KCNJ6: variants seen among roughly 807,000 people sequenced by gnomAD.
KCNJ6 encodes G protein-activated inward rectifier potassium channel 2.
A neutral mutation model predicts 34.2 loss-of-function variants in KCNJ6; 9 were observed. The ratio of observed to expected loss-of-function variants is 0.26; its 90% CI spans 0.16 to 0.46. KCNJ6 has a LOEUF of 0.46. Ranked by LOEUF, KCNJ6 falls within the 20% of genes least tolerant of loss-of-function variation. The probability of loss-of-function intolerance (pLI) is 1.00; values close to 1 mark genes in which losing one functional copy is unlikely to be tolerated. For missense variants in KCNJ6, 236 were observed against 531.3 expected (o/e 0.44, Z 5.46); for synonymous variants, 196 against 207.1 (o/e 0.95, Z 0.46).
At chr21:37,780,533 C>T (rs752882687) in intron 2 of KCNJ6, among the ~76,000 whole-genome samples, 7 of 148,108 alleles carry the variant, frequency 4.7e-5, no homozygotes, top group Non-Finnish European at 1.0e-4. Context: ...ATGTTCCACA[C>T]GAATGCAAGA....
intron 3 of KCNJ6, among the ~76,000 whole-genome samples, chr21:37,684,579 G>A (rs867498627): frequency 1.1e-4 from 17 of 152,224 alleles, no homozygotes; most frequent in Admixed American, 2.6e-4. Context: ...ACTGGTATTT[G>A]AAACAGTTAC....
At chr21:37,891,226 C>G (rs186270606) in intron 1 of KCNJ6, among the ~76,000 whole-genome samples, 6 of 151,682 alleles carry the variant, frequency 4.0e-5, no homozygotes, top group African/African-American at 1.5e-4. Context: ...TTTGCAAAGG[C>G]AGGTTAGGGG....
chr21:37,681,725 T>A (rs990621092), intron 3 of KCNJ6, among the ~76,000 whole-genome samples: 1 of 152,176 alleles, frequency 6.6e-6, no homozygotes, highest in African/African-American at 2.4e-5. Flanking sequence ...TGAGTACACA[T>A]GTGGCTGGTG....
chr21:37,631,442 G>C (rs1432734118), intron 3 of KCNJ6, among the ~76,000 whole-genome samples: 2 of 152,146 alleles, frequency 1.3e-5, no homozygotes, highest in Non-Finnish European at 2.9e-5. Context: ...ATAAAAGCAA[G>C]AGATGAGCCT....
intron 3 of KCNJ6, among the ~76,000 whole-genome samples, chr21:37,641,691 G>A (rs932382606): frequency 9.9e-6 from 1 of 101,058 alleles, no homozygotes; most frequent in African/African-American, 4.1e-5. Context: ...GAAAGTAGAC[G>A]AGTGTGTTTG....
intron 2 of KCNJ6, among the ~76,000 whole-genome samples, chr21:37,733,716 A>T (rs1355904095): frequency 6.6e-6 from 1 of 152,236 alleles, no homozygotes; most frequent in Non-Finnish European, 1.5e-5. Flanking sequence ...AAAGCAAATG[A>T]AATAATTTTA....
intron 2 of KCNJ6, among the ~76,000 whole-genome samples, chr21:37,780,211 G>A (rs985088159): frequency 3.9e-5 from 6 of 152,198 alleles, no homozygotes; most frequent in Non-Finnish European, 7.3e-5. Flanking sequence ...TAGCCAGTCT[G>A]GAAAAGCTAC....
chr21:37,856,773 G>A (rs1284758880), intron 1 of KCNJ6, among the ~76,000 whole-genome samples: 1 of 152,150 alleles, frequency 6.6e-6, no homozygotes, highest in Non-Finnish European at 1.5e-5. Context: ...TAAAAAATCA[G>A]TATGGTGAGT....
chr21:37,719,844 A>G (rs562543810), intron 2 of KCNJ6, among the ~76,000 whole-genome samples: 2 of 152,340 alleles, frequency 1.3e-5, no homozygotes, highest in Non-Finnish European at 2.9e-5. Flanking sequence ...GTTGCATTTC[A>G]GGTACAGCTC....
chr21:37,719,210 GGAGA>G (rs2054811054), intron 2 of KCNJ6: 1 of 154,174 alleles, frequency 6.5e-6, no homozygotes, highest in African/African-American at 2.4e-5. Flanking sequence ...ATGGGGCTAG[GGAGA>G]GAGGGCGAGT....
chr21:37,724,894 G>T (rs961821919), intron 2 of KCNJ6, among the ~76,000 whole-genome samples: 1 of 151,798 alleles, frequency 6.6e-6, no homozygotes, highest in Non-Finnish European at 1.5e-5. Flanking sequence ...AAGAGATCAA[G>T]GATTTAAAGG....
chr21:37,833,611 A>G (rs562475811), intron 2 of KCNJ6, among the ~76,000 whole-genome samples: 1 of 152,222 alleles, frequency 6.6e-6, no homozygotes, highest in South Asian at 2.1e-4. Flanking sequence ...GGGTGACCCT[A>G]ACATGTCCAG....
chr21:37,907,696 C>T (rs1017645328), intron 1 of KCNJ6, among the ~76,000 whole-genome samples: 1 of 152,126 alleles, frequency 6.6e-6, no homozygotes, highest in African/African-American at 2.4e-5. Context: ...CCTTAGAGCC[C>T]AGCAGAACAA....
intron 1 of KCNJ6, among the ~76,000 whole-genome samples, chr21:37,846,811 C>A (rs2055510992): frequency 6.6e-6 from 1 of 152,126 alleles, no homozygotes; most frequent in African/African-American, 2.4e-5. Flanking sequence ...TCTGGTTAAA[C>A]CAGGAGCCCT....
intron 2 of KCNJ6, among the ~76,000 whole-genome samples, chr21:37,779,741 A>C (rs1008444021): frequency 8.5e-5 from 13 of 152,176 alleles, no homozygotes; most frequent in Admixed American, 8.5e-4. Flanking sequence ...TTCTGAGATG[A>C]CTGTAACCTT....
chr21:37,755,436 C>T (rs918117707), intron 2 of KCNJ6, among the ~76,000 whole-genome samples: 1 of 152,140 alleles, frequency 6.6e-6, no homozygotes, highest in African/African-American at 2.4e-5. Flanking sequence ...TCAAATGTTA[C>T]CTGAGAGTGT....
chr21:37,875,728 C>T (rs569305585), intron 1 of KCNJ6, among the ~76,000 whole-genome samples: 2 of 152,314 alleles, frequency 1.3e-5, no homozygotes, highest in South Asian at 2.1e-4. Flanking sequence ...CAGCAGCCAT[C>T]TCAGGGTCAG....
intron 1 of KCNJ6, among the ~76,000 whole-genome samples, chr21:37,874,620 C>A (rs1229234152): frequency 6.6e-6 from 1 of 152,202 alleles, no homozygotes; most frequent in Admixed American, 6.5e-5. Context: ...GAAAGATGAA[C>A]AAATTATTCA....
chr21:37,787,605 C>T (rs2055198407), intron 2 of KCNJ6, among the ~76,000 whole-genome samples: 1 of 152,106 alleles, frequency 6.6e-6, no homozygotes, highest in Non-Finnish European at 1.5e-5. Flanking sequence ...TTGGGATCCC[C>T]AAGGACATGA....
Sources: gnomAD v4.1 joint callset for allele counts (sites outside exome capture counted in the v4.1 genomes callset) on GRCh38, gnomAD v4.1.1 for gene constraint, MANE v1.5 for transcripts, NCBI Gene and HGNC (gene_info 2026-07-23, HGNC 2026-07-21) for gene names.